Variants in CYRIB observed in about 807,000 individuals in gnomAD.
CYRIB encodes CYFIP related Rac1 interactor B.
A neutral mutation model predicts 44.2 loss-of-function variants in CYRIB; 8 were observed. That is an observed-to-expected ratio of 0.18 (90% CI 0.11 to 0.33). The LOEUF is 0.33. Among genes scored for constraint, CYRIB ranks in the 10% least tolerant of loss-of-function variants. The pLI is 1.00. For synonymous variants in CYRIB, 131 were observed against 127.2 expected (o/e 1.03, Z -0.20); for missense variants, 185 against 382.8 (o/e 0.48, Z 4.31).
Position 129,951,088 on chromosome 8 carries a change from C to T in CYRIB, c.-243+19855G>A, listed in dbSNP as rs190440622. 4.6e-4 allele frequency among the ~76,000 whole-genome samples: 70 copies of T among 152,186 alleles called. No individual in the cohort carries two copies. In the South Asian group the frequency reaches 0.01, roughly 22 times the overall value. The stretch of plus-strand genomic sequence containing the variant: ...AGGAGGCCAAGGCAGGCAGATCACT[C>T]AAGTCAGGAACTTGAGACCAGCCTG... On this transcript the variant is annotated intron_variant, in intron 2 of 14. Transcript: ENST00000401979.
intron 6 of CYRIB, among the ~76,000 whole-genome samples, 185 bp downstream of exon 8, chr8:129,855,426 G>A (rs2045722248): frequency 6.6e-6 from 1 of 151,590 alleles, no homozygotes; most frequent in South Asian, 2.1e-4. Context: ...CGAATACTCA[G>A]TAATTTGCTC....
At chr8:129,921,037 T>C (rs2083287709) in intron 1 of CYRIB, among the ~76,000 whole-genome samples, 1 of 152,190 alleles carries the variant, frequency 6.6e-6, no homozygotes, top group African/African-American at 2.4e-5. Context: ...CTATGCTAAA[T>C]GATGTACAAG....
At chr8:129,977,754 G>A (rs374134706) in intron 1 of CYRIB, among the ~76,000 whole-genome samples, 12 of 152,086 alleles carry the variant, frequency 7.9e-5, no homozygotes, top group South Asian at 2.1e-4. Flanking sequence ...GGATGGTCTC[G>A]ATCTCCTGAC....
chr8:129,860,562 C>G (rs2048833477), intron 5 of CYRIB, among the ~76,000 whole-genome samples: 1 of 152,156 alleles, frequency 6.6e-6, no homozygotes, highest in Non-Finnish European at 1.5e-5. Context: ...TCTATCCAAA[C>G]TACTGTCTGT....
intron 4 of CYRIB, among the ~76,000 whole-genome samples, chr8:129,866,116 C>G (rs1340944625): frequency 6.6e-6 from 1 of 152,184 alleles, no homozygotes; most frequent in South Asian, 2.1e-4. Context: ...TCCAATCTAA[C>G]CGTATGTGTT....
At chr8:130,013,807 G>A (rs2097281039) in intron 1 of CYRIB, among the ~76,000 whole-genome samples, 4 of 152,204 alleles carry the variant, frequency 2.6e-5, no homozygotes, top group Admixed American at 2.6e-4. Context: ...AAGGTCAACT[G>A]CAGGCCAGTG....
At chr8:129,957,980 A>AC in intron 2 of CYRIB, among the ~76,000 whole-genome samples, 1 of 150,208 alleles carries the variant, frequency 6.7e-6, no homozygotes, top group African/African-American at 2.4e-5. Flanking sequence ...AAAAAAAAAA[A>AC]ATACAAAAAA....
chr8:129,997,655 G>A (rs1380199111), intron 1 of CYRIB, among the ~76,000 whole-genome samples: 1 of 152,166 alleles, frequency 6.6e-6, no homozygotes, highest in Non-Finnish European at 1.5e-5. Context: ...AAGTTCCTCT[G>A]GACAGAGCCA....
intron 1 of CYRIB, among the ~76,000 whole-genome samples, chr8:129,971,725 G>A (rs949914094): frequency 6.6e-6 from 1 of 152,120 alleles, no homozygotes; most frequent in African/African-American, 2.4e-5. Flanking sequence ...AGTTTAAAAC[G>A]GTCTTAGTCA....
intron 1 of CYRIB, among the ~76,000 whole-genome samples, chr8:129,987,894 C>T (rs1041746840): frequency 2.5e-4 from 38 of 152,290 alleles, no homozygotes; most frequent in African/African-American, 8.4e-4. Flanking sequence ...GTACACAAAT[C>T]CTCCGCTGGC....
intron 1 of CYRIB, among the ~76,000 whole-genome samples, chr8:129,906,635 C>CA (rs2075541088): frequency 6.6e-6 from 1 of 152,046 alleles, no homozygotes; most frequent in African/African-American, 2.4e-5. Context: ...TTCTGCACAG[C>CA]AAAAGAAACT....
At chr8:130,002,547 C>T (rs1006932518) in intron 1 of CYRIB, among the ~76,000 whole-genome samples, 18 of 152,090 alleles carry the variant, frequency 1.2e-4, no homozygotes, top group African/African-American at 2.4e-4. Context: ...TAGAAAAAAA[C>T]GTGAAAATGA....
At chr8:129,926,643 G>A (rs72718392) in intron 1 of CYRIB, among the ~76,000 whole-genome samples, 4,762 of 152,264 alleles carry the variant, frequency 0.031, 102 homozygotes, top group Non-Finnish European at 0.049. Context: ...CAGAATTTGC[G>A]AATTCAACCT....
chr8:129,961,751 C>A (rs2095267376), intron 2 of CYRIB, among the ~76,000 whole-genome samples: 1 of 152,134 alleles, frequency 6.6e-6, no homozygotes, highest in African/African-American at 2.4e-5. Flanking sequence ...CAGAAGAGAA[C>A]TATGGCAAAA....
At chr8:129,969,309 C>T (rs896525805) in intron 2 of CYRIB, among the ~76,000 whole-genome samples, 5 of 152,170 alleles carry the variant, frequency 3.3e-5, no homozygotes, top group African/African-American at 7.2e-5. Context: ...CCACCGCGGC[C>T]GGCCTATCCT....
At chr8:129,844,943 C>A (rs1446465254) in intron 11 of CYRIB, among the ~76,000 whole-genome samples, 2 of 152,160 alleles carry the variant, frequency 1.3e-5, no homozygotes, top group Non-Finnish European at 2.9e-5. Context: ...CAAGTCAGAC[C>A]TGATTTTGTT....
chr8:129,920,183 T>G (rs1233814440), intron 1 of CYRIB, among the ~76,000 whole-genome samples: 5 of 152,090 alleles, frequency 3.3e-5, no homozygotes, highest in African/African-American at 9.7e-5. Context: ...TTAAAACATG[T>G]AAGTCCAGCC....
At chr8:129,853,246 C>T (rs1587254646) in intron 7 of CYRIB, among the ~76,000 whole-genome samples, 1 of 152,202 alleles carries the variant, frequency 6.6e-6, no homozygotes, top group Non-Finnish European at 1.5e-5. Context: ...GGATTGGCTG[C>T]TTTGCTTTTT....
At chr8:129,951,114 G>A (rs1210353906) in intron 2 of CYRIB, among the ~76,000 whole-genome samples, 1 of 152,118 alleles carries the variant, frequency 6.6e-6, no homozygotes, top group East Asian at 1.9e-4. Context: ...GACCAGCCTG[G>A]CCAACATGGC....
Sources: allele counts gnomAD v4.1 joint callset (sites outside exome capture counted in the v4.1 genomes callset), GRCh38; gene constraint gnomAD v4.1.1; transcripts MANE v1.5; gene names NCBI Gene and HGNC (gene_info 2026-07-23, HGNC 2026-07-21).